Variants in NEO1 observed in about 807,000 individuals in gnomAD.
The protein encoded by NEO1 is neogenin 1.
NEO1 carries 63 observed loss-of-function variants against 159.7 expected under a neutral mutation model. The observed-to-expected ratio is 0.39, with a 90% CI of 0.32 to 0.49. The LOEUF is 0.49. NEO1 is among the 20% of genes least tolerant of loss of function. The probability of loss-of-function intolerance (pLI) is 0.85; values close to 1 mark genes in which losing one functional copy is unlikely to be tolerated. For missense variants in NEO1, 1,615 were observed against 1,831.0 expected, an observed-to-expected ratio of 0.88 and a Z score of 2.15; for synonymous variants, 633 against 662.0, an observed-to-expected ratio of 0.96 and a Z score of 0.67.
At chr15:73,105,372 T>C (rs191743582) in intron 1 of NEO1, among the ~76,000 whole-genome samples, 10 of 152,346 alleles carry the variant, frequency 6.6e-5, no homozygotes, top group African/African-American at 2.2e-4. Context: ...TCTGGTTTAT[T>C]GTAATTGCTT....
chr15:73,062,653 A>G (rs944827956), intron 1 of NEO1, among the ~76,000 whole-genome samples: 2 of 152,250 alleles, frequency 1.3e-5, no homozygotes, highest in Admixed American at 6.5e-5. Context: ...TAAGACAGAA[A>G]GAACAATTTT....
chr15:73,179,809 T>C (rs943366845), intron 7 of NEO1, among the ~76,000 whole-genome samples: 4 of 151,942 alleles, frequency 2.6e-5, no homozygotes, highest in Non-Finnish European at 5.9e-5. Context: ...GCTGTGTATA[T>C]CTTTCTGTGT....
At chr15:73,147,975 G>A (rs1358565680) in intron 5 of NEO1, among the ~76,000 whole-genome samples, 6 of 151,774 alleles carry the variant, frequency 4.0e-5, no homozygotes, top group African/African-American at 7.3e-5. Context: ...CATCATGCCC[G>A]GCTAATTTTT....
intron 7 of NEO1, among the ~76,000 whole-genome samples, chr15:73,207,179 A>G (rs1031198829): frequency 3.3e-5 from 5 of 152,242 alleles, no homozygotes; most frequent in Admixed American, 3.3e-4. Flanking sequence ...GTTAATATTA[A>G]TTGAGCATTT....
intron 26 of NEO1, among the ~76,000 whole-genome samples, chr15:73,295,463 G>A (rs574460019): frequency 1.8e-4 from 28 of 151,592 alleles, no homozygotes; most frequent in Middle Eastern, 3.4e-3. Flanking sequence ...TCCTGGGTTT[G>A]GGGATTGGAG....
chr15:73,209,359 GT>G (rs1450239230), intron 7 of NEO1, among the ~76,000 whole-genome samples: 1 of 152,086 alleles, frequency 6.6e-6, no homozygotes, highest in Non-Finnish European at 1.5e-5. Flanking sequence ...TTTTGTTAGT[GT>G]TTTTATTTTT....
intron 1 of NEO1, among the ~76,000 whole-genome samples, chr15:73,103,303 A>G (rs2070500321): frequency 6.6e-6 from 1 of 152,158 alleles, no homozygotes; most frequent in South Asian, 2.1e-4. Flanking sequence ...CTTAACTTCC[A>G]AACTTATTAG....
At chr15:73,269,866 G>A in intron 16 of NEO1, 144 bp from the exon 17 acceptor site, 4 of 702,608 alleles carry the variant, frequency 5.7e-6, no homozygotes, top group Middle Eastern at 4.1e-4. Flanking sequence ...TTAAATGAAT[G>A]GTGGTTATCT....
chr15:73,201,259 A>G (rs1371409168), intron 7 of NEO1, among the ~76,000 whole-genome samples: 1 of 151,324 alleles, frequency 6.6e-6, no homozygotes, highest in African/African-American at 2.4e-5. Flanking sequence ...CCCAAGGTAT[A>G]ATCTAAGTTT....
chr15:73,088,059 A>G (rs1567165554), intron 1 of NEO1, among the ~76,000 whole-genome samples: 1 of 152,096 alleles, frequency 6.6e-6, no homozygotes, highest in African/African-American at 2.4e-5. Flanking sequence ...TCTAGAAAGT[A>G]TATATACGTT....
At chr15:73,080,209 A>G (rs1297340865) in intron 1 of NEO1, among the ~76,000 whole-genome samples, 1 of 152,206 alleles carries the variant, frequency 6.6e-6, no homozygotes, top group African/African-American at 2.4e-5. Context: ...TGTTGCCATT[A>G]GACAGTTTCT....
rs142912267 is a variant in NEO1 at position 73,134,912 on chromosome 15, G to T, written c.879-979G>T. On this transcript the variant is annotated intron_variant, in intron 4 of 28. Coordinates refer to ENST00000261908, the MANE Select transcript of NEO1 (RefSeq NM_002499.4). ...AGAAATGTAACAGTATTAAGATTTG[G>T]AAGAAAAGTCCAGCCTGTGAAAACC... Among the ~76,000 whole-genome samples the T allele has an allele frequency of 3.5e-4, 54 of 152,224 alleles. 1 individual carries two copies. The East Asian group carries it at 0.01, about 29-fold the overall frequency.
intron 26 of NEO1, 115 bp from the exon 27 acceptor site, chr15:73,298,233 C>G: frequency 7.8e-7 from 1 of 1,277,584 alleles, no homozygotes; most frequent in South Asian, 1.4e-5. Context: ...TGGACTAGCA[C>G]TGATCGCAAG....
chr15:73,250,195 T>C (rs1429853570), intron 11 of NEO1, among the ~76,000 whole-genome samples: 1 of 152,134 alleles, frequency 6.6e-6, no homozygotes, highest in Non-Finnish European at 1.5e-5. Context: ...TACACCCATA[T>C]ATATGTATAT....
chr15:73,188,528 A>G (rs2036062700), intron 7 of NEO1, among the ~76,000 whole-genome samples: 2 of 152,116 alleles, frequency 1.3e-5, no homozygotes, highest in Admixed American at 6.6e-5. Flanking sequence ...ATTTTGGGAC[A>G]TTTAAGTCAT....
chr15:73,301,710 C>G (rs2042623990), intron 28 of NEO1, among the ~76,000 whole-genome samples: 1 of 152,102 alleles, frequency 6.6e-6, no homozygotes, highest in Non-Finnish European at 1.5e-5. Flanking sequence ...CTCTGTCTCC[C>G]AGGCTGGAAT....
In NEO1 at chr15:73,269,486, G is replaced by A. The variant is rs182191459; in HGVS notation, c.2495-524G>A. Among the ~76,000 whole-genome samples the A allele has an allele frequency of 1.8e-4, 27 of 152,110 alleles. No homozygotes were observed. In the East Asian group the frequency reaches 4.5e-3, roughly 25 times the overall value. On this transcript the variant is annotated intron_variant, in intron 16 of 28. Transcript: ENST00000261908. Reference sequence around the variant, plus strand: ...AGCGATTCTCATGCCTCAGCCTCCCGAGTAGCTGGGACCCCAGGCACCTGC... The same window carrying A: ...AGCGATTCTCATGCCTCAGCCTCCCAAGTAGCTGGGACCCCAGGCACCTGC...
chr15:73,231,056 C>G (rs1230336535), intron 7 of NEO1, among the ~76,000 whole-genome samples: 1 of 151,944 alleles, frequency 6.6e-6, no homozygotes, highest in Admixed American at 6.6e-5. Flanking sequence ...GATATGTATG[C>G]ATTTATAATT....
At chr15:73,237,915 C>T (rs1442477969) in intron 8 of NEO1, among the ~76,000 whole-genome samples, 1 of 152,076 alleles carries the variant, frequency 6.6e-6, no homozygotes, top group Non-Finnish European at 1.5e-5. Context: ...TGCGTTCTAC[C>T]AGAAATGCAT....
Sources: allele counts gnomAD v4.1 joint callset (sites outside exome capture counted in the v4.1 genomes callset), GRCh38; gene constraint gnomAD v4.1.1; transcripts MANE v1.5; gene names NCBI Gene and HGNC (gene_info 2026-07-23, HGNC 2026-07-21).